SYNE1: variants seen among roughly 807,000 people sequenced by gnomAD.
SYNE1 encodes nesprin-1.
A neutral mutation model predicts 1,111.0 loss-of-function variants in SYNE1; 616 were observed. That is an observed-to-expected ratio of 0.55 (90% CI 0.52 to 0.59). SYNE1 has a LOEUF of 0.59. SYNE1 is among the 20% of genes least tolerant of loss of function. SYNE1 has a pLI of 0.00. For synonymous variants in SYNE1, 3,855 were observed against 3,825.8 expected (o/e 1.01, Z -0.28); for missense variants, 10,006 against 10,417.0 (o/e 0.96, Z 1.72).
chr6:152,502,865 T>C (rs774383919), intron 9 of SYNE1, 123 bp from the exon 10 acceptor site: 1 of 771,252 alleles, frequency 1.3e-6, no homozygotes, highest in Non-Finnish European at 2.1e-6. Flanking sequence ...AGAAGTACTA[T>C]TTAGAATTTT....
In SYNE1 at chr6:152,269,133, A is replaced by G. The variant is rs755861501; in HGVS notation, c.18705+22T>C. 6.8e-6 allele frequency: 11 copies of G among 1,614,152 alleles called. No individual in the cohort carries two copies. The African/African-American group carries it at 1.1e-4, about 16-fold the overall frequency. ...TTCTCTGGGCAGATCTGCAAGCTAG[A>G]GAGAGGTAGGAAACACTTTACTTTT... On this transcript the variant is annotated intron_variant, in intron 99 of 145. Transcript: ENST00000367255.
intron 55 of SYNE1, 199 bp from the exon 56 acceptor site, chr6:152,381,561 A>C (rs1591557502): frequency 1.6e-6 from 1 of 613,400 alleles, no homozygotes; most frequent in Non-Finnish European, 2.9e-6. Context: ...GGCTTATGGC[A>C]AAAAAATCCC....
intron 143 of SYNE1, among the ~76,000 whole-genome samples, chr6:152,132,687 T>C (rs913620630): frequency 2.0e-5 from 3 of 152,150 alleles, no homozygotes; most frequent in African/African-American, 4.8e-5. Flanking sequence ...AGATTGTTCT[T>C]TTGCATGCTT....
chr6:152,229,847 G>A (rs541907431), intron 115 of SYNE1, among the ~76,000 whole-genome samples: 2 of 152,198 alleles, frequency 1.3e-5, no homozygotes, highest in African/African-American at 4.8e-5. Flanking sequence ...AAAGACAACC[G>A]AGGAAATAGG....
intron 64 of SYNE1, among the ~76,000 whole-genome samples, chr6:152,359,854 C>G (rs895908822): frequency 1.3e-5 from 2 of 151,838 alleles, no homozygotes; most frequent in African/African-American, 2.4e-5. Context: ...ACCTCCCACC[C>G]AGACGGTCAA....
At chr6:152,273,823 C>T (rs958926269) in intron 98 of SYNE1, among the ~76,000 whole-genome samples, 5 of 152,212 alleles carry the variant, frequency 3.3e-5, no homozygotes, top group African/African-American at 1.2e-4. Flanking sequence ...GCCTGCTCCC[C>T]TCATTGGTTT....
chr6:152,235,915 A>AT (rs1241960764), intron 110 of SYNE1, among the ~76,000 whole-genome samples, 192 bp downstream of exon 110: 1 of 151,294 alleles, frequency 6.6e-6, no homozygotes, highest in African/African-American at 2.4e-5. Flanking sequence ...TCCTTTTGTA[A>AT]TTTTTTTGTA....
intron 59 of SYNE1, among the ~76,000 whole-genome samples, chr6:152,371,875 A>C (rs28570658): frequency 0.018 from 786 of 44,480 alleles, 42 homozygotes; most frequent in East Asian, 0.043. Context: ...AAGGAAAGGA[A>C]AGGAAAGGAA....
intron 38 of SYNE1, among the ~76,000 whole-genome samples, chr6:152,427,322 G>A (rs1409820737): frequency 6.6e-6 from 1 of 152,118 alleles, no homozygotes; most frequent in African/African-American, 2.4e-5. Flanking sequence ...TACAAAAGTA[G>A]AGAGATTATA....
intron 14 of SYNE1, among the ~76,000 whole-genome samples, chr6:152,479,464 A>G (rs1051888908): frequency 3.9e-5 from 6 of 152,200 alleles, no homozygotes; most frequent in African/African-American, 9.6e-5. Context: ...TCACTCTACA[A>G]GTATGATAAG....
intron 3 of SYNE1, among the ~76,000 whole-genome samples, chr6:152,591,227 G>A (rs1177178878): frequency 6.6e-6 from 1 of 152,226 alleles, no homozygotes; most frequent in East Asian, 1.9e-4. Context: ...GAAGAACAAA[G>A]CCGGAGTTAT....
chr6:152,148,670 G>GT lies in SYNE1; in HGVS notation c.24643-293dup, dbSNP rs5880957. Among the ~76,000 whole-genome samples, 54,472 of 145,828 alleles carry GT rather than the reference G, an allele frequency of 0.37. 10,436 individuals are homozygous for GT. The highest frequency in any genetic ancestry group is 0.47 in the Admixed American group (6,897 of 14,760). On this transcript the variant is annotated intron_variant, in intron 136 of 145. Coordinates refer to ENST00000367255, the MANE Select transcript of SYNE1 (RefSeq NM_182961.4). The surrounding 1 kb of genome is among the most constrained non-coding windows in gnomAD (Gnocchi z 4.1). ...ATAACAGTCCCAGGCATCCCACAGG[G>GT]TTTTTTTTTTTTGAGTGGGAAAAAA...
chr6:152,130,796 G>C lies in SYNE1; in HGVS notation c.26095-18C>G, dbSNP rs1390728831. ...CCTCGTGGCTGTTTGCAATGAACAG[G>C]GGGTAAAGAAAGAAGAATGTTCAGT... On this transcript the variant is annotated intron_variant, in intron 144 of 145. Coordinates refer to ENST00000367255, the MANE Select transcript of SYNE1 (RefSeq NM_182961.4). 2 of 1,613,846 alleles carry C rather than the reference G, an allele frequency of 1.2e-6. No homozygotes were observed. The highest frequency in any genetic ancestry group is 1.1e-5 in the South Asian group (1 of 90,998).
intron 2 of SYNE1, among the ~76,000 whole-genome samples, chr6:152,636,051 ATC>A (rs2099705365): frequency 6.6e-6 from 1 of 152,150 alleles, no homozygotes; most frequent in South Asian, 2.1e-4. Flanking sequence ...GCAATGCAAG[ATC>A]TCTCTATGTG....
chr6:152,279,147 C>CTTTTTTTTTTTTTTTTTT, intron 97 of SYNE1, among the ~76,000 whole-genome samples: 1 of 112,686 alleles, frequency 8.9e-6, no homozygotes, highest in Non-Finnish European at 1.8e-5. Flanking sequence ...CTTTTCTTTT[C>CTTTTTTTTTTTTTTTTTT]TTTTTTTTTT....
chr6:152,383,384 A>C (rs2154119563), intron 55 of SYNE1, among the ~76,000 whole-genome samples: 1 of 152,320 alleles, frequency 6.6e-6, no homozygotes, highest in South Asian at 2.1e-4. Context: ...TCCTAAATCC[A>C]TGTAACCTGG....
intron 49 of SYNE1, among the ~76,000 whole-genome samples, chr6:152,397,607 A>G (rs2097755775): frequency 6.6e-6 from 1 of 152,186 alleles, no homozygotes; most frequent in Non-Finnish European, 1.5e-5. Context: ...CCTTTACTAT[A>G]ACGATCTTTC....
intron 74 of SYNE1, among the ~76,000 whole-genome samples, chr6:152,342,985 T>C (rs2154013082): frequency 6.6e-6 from 1 of 152,272 alleles, no homozygotes; most frequent in Non-Finnish European, 1.5e-5. Context: ...GATATTTGCA[T>C]TTCATTATAA....
intron 135 of SYNE1, 86 bp from the exon 136 acceptor site, chr6:152,149,754 C>A: frequency 8.1e-7 from 1 of 1,234,910 alleles, no homozygotes; most frequent in Non-Finnish European, 1.2e-6. Context: ...TTTCTCATTA[C>A]ATTAAAAAAG....
Sources: gnomAD v4.1 joint callset for allele counts (sites outside exome capture counted in the v4.1 genomes callset) on GRCh38, gnomAD v4.1.1 for gene constraint, Gnocchi (gnomAD v3.1) non-coding constraint, MANE v1.5 for transcripts, NCBI Gene and HGNC (gene_info 2026-07-23, HGNC 2026-07-21) for gene names.